The following TNNI3K variants were observed in gnomAD, a reference collection of about 807,000 sequenced individuals.
TNNI3K encodes the protein serine/threonine-protein kinase TNNI3K.
A neutral mutation model predicts 114.5 loss-of-function variants in TNNI3K; 140 were observed. The observed-to-expected ratio is 1.22, with a 90% CI of 1.07 to 1.41. TNNI3K has a LOEUF of 1.41. Among genes scored for constraint, TNNI3K ranks in the 40% most tolerant of loss-of-function variants. The probability of loss-of-function intolerance (pLI) is 0.00; values close to 1 mark genes in which losing one functional copy is unlikely to be tolerated. For missense variants in TNNI3K, 1,125 were observed against 1,007.6 expected, an observed-to-expected ratio of 1.12 and a Z score of -1.58; for synonymous variants, 347 against 347.5, an observed-to-expected ratio of 1.00 and a Z score of 0.02.
intron 5 of TNNI3K, among the ~76,000 whole-genome samples, chr1:74,313,332 C>T (rs1659105985): frequency 6.6e-6 from 1 of 152,118 alleles, no homozygotes; most frequent in South Asian, 2.1e-4. Flanking sequence ...AATCCGGGAC[C>T]AGGCCTGTCT....
intron 4 of TNNI3K, among the ~76,000 whole-genome samples, chr1:74,267,319 A>T (rs1242271127): frequency 6.6e-6 from 1 of 151,992 alleles, no homozygotes; most frequent in Admixed American, 6.6e-5. Flanking sequence ...AAAATATTCC[A>T]GTAGAGTAAG....
intron 9 of TNNI3K, chr1:74,346,085 T>G (rs1215194993): frequency 6.6e-6 from 1 of 152,192 alleles, no homozygotes; most frequent in East Asian, 1.9e-4. Flanking sequence ...CACTTGAAAT[T>G]TCAGCAACAA....
At chr1:74,323,654 T>TTG (rs1287802467) in intron 5 of TNNI3K, among the ~76,000 whole-genome samples, 3 of 151,684 alleles carry the variant, frequency 2.0e-5, no homozygotes, top group African/African-American at 7.3e-5. Flanking sequence ...GTGTGTGTGT[T>TTG]TGTGTGTGTG....
chr1:74,539,567 T>A (rs981393259), intron 23 of TNNI3K, among the ~76,000 whole-genome samples: 1 of 152,028 alleles, frequency 6.6e-6, no homozygotes, highest in Admixed American at 6.6e-5. Flanking sequence ...AGGAGAAGGA[T>A]CAATACAGAG....
chr1:74,282,440 CTG>C (rs2100257228), intron 5 of TNNI3K, among the ~76,000 whole-genome samples: 1 of 152,032 alleles, frequency 6.6e-6, no homozygotes. Context: ...GCTCATATCT[CTG>C]TGTGTGCACA....
intron 7 of TNNI3K, among the ~76,000 whole-genome samples, chr1:74,340,029 A>T (rs1660674232): frequency 1.3e-5 from 2 of 152,128 alleles, no homozygotes; most frequent in African/African-American, 4.8e-5. Flanking sequence ...TTTTTGAAAT[A>T]TAGCTTGTTG....
In TNNI3K at chr1:74,277,833, G is replaced by A. The variant is rs76347195; in HGVS notation, c.444+6125G>A. 4.0e-3 allele frequency among the ~76,000 whole-genome samples: 610 copies of A among 152,232 alleles called. 4 individuals carry two copies. The highest frequency in any genetic ancestry group is 0.014 in the African/African-American group (563 of 41,564). On this transcript the variant is annotated intron_variant, in intron 5 of 24. Coordinates refer to ENST00000326637, the MANE Select transcript of TNNI3K (RefSeq NM_015978.3). ...TCATATACACCTTGTGAAGGTGAGC[G>A]TATTATTCATAGTTGAAGTTATTCT...
At chr1:74,415,741 T>TC (rs1665085980) in intron 17 of TNNI3K, among the ~76,000 whole-genome samples, 1 of 148,616 alleles carries the variant, frequency 6.7e-6, no homozygotes, top group African/African-American at 2.6e-5. Flanking sequence ...TTCTTTGTTT[T>TC]TTTTTTCCCC....
At chr1:74,433,693 G>GT (rs1665996540) in intron 17 of TNNI3K, among the ~76,000 whole-genome samples, 1 of 151,980 alleles carries the variant, frequency 6.6e-6, no homozygotes, top group Non-Finnish European at 1.5e-5. Context: ...ACTTGTTACT[G>GT]TTTTTTATAA....
At chr1:74,320,100 G>A (rs911656024) in intron 5 of TNNI3K, among the ~76,000 whole-genome samples, 1 of 152,172 alleles carries the variant, frequency 6.6e-6, no homozygotes, top group Admixed American at 6.5e-5. Flanking sequence ...GTGTGATATT[G>A]TGCTTCTTTT....
At position 74,313,296 on chromosome 1, in the gene TNNI3K, T is replaced by C. The variant is rs530086221; in HGVS notation, c.445-18154T>C. On this transcript the variant is annotated intron_variant, in intron 5 of 24. Transcript: ENST00000326637. Reference sequence around the variant, plus strand: ...CACCACGTTGACATCACATATTTTATTTATCCACTCTATACAGTAAACCTA... The same window carrying C: ...CACCACGTTGACATCACATATTTTACTTATCCACTCTATACAGTAAACCTA... Among the ~76,000 whole-genome samples the C allele has an allele frequency of 2.6e-5, 4 of 152,318 alleles. No homozygotes were observed. The South Asian group carries it at 8.3e-4, about 32-fold the overall frequency.
At chr1:74,410,464 T>C (rs192727687) in intron 17 of TNNI3K, among the ~76,000 whole-genome samples, 11 of 152,330 alleles carry the variant, frequency 7.2e-5, no homozygotes, top group Admixed American at 5.9e-4. Flanking sequence ...ATAACACAAA[T>C]GTGTGTCTCT....
At chr1:74,283,454 T>G (rs1220497974) in intron 5 of TNNI3K, among the ~76,000 whole-genome samples, 1 of 152,224 alleles carries the variant, frequency 6.6e-6, no homozygotes, top group Non-Finnish European at 1.5e-5. Context: ...TTTCTTTTTG[T>G]CACTCAGGTC....
chr1:74,257,695 G>A (rs1184500541), intron 4 of TNNI3K, among the ~76,000 whole-genome samples: 6 of 132,212 alleles, frequency 4.5e-5, no homozygotes, highest in Admixed American at 3.2e-4. Context: ...TTGAGGCGGA[G>A]TCTCGCTCTG....
intron 4 of TNNI3K, 56 bp downstream of exon 4, chr1:74,250,825 T>C: frequency 7.2e-7 from 1 of 1,384,816 alleles, no homozygotes; most frequent in Non-Finnish European, 9.5e-7. Context: ...AGTGTGTATC[T>C]TTAGGCTTTT....
intron 5 of TNNI3K, among the ~76,000 whole-genome samples, chr1:74,276,705 G>C (rs1022179075): frequency 6.6e-6 from 1 of 152,074 alleles, no homozygotes; most frequent in African/African-American, 2.4e-5. Context: ...TGCTAAGTCT[G>C]ACAGGACTCT....
intron 20 of TNNI3K, among the ~76,000 whole-genome samples, chr1:74,445,146 G>A (rs1003846737): frequency 2.6e-4 from 39 of 151,498 alleles, no homozygotes; most frequent in African/African-American, 8.7e-4. Flanking sequence ...TGACAAAAAT[G>A]TCAGAAGCAA....
At chr1:74,502,429 C>T (rs1424604239) in intron 23 of TNNI3K, among the ~76,000 whole-genome samples, 1 of 152,148 alleles carries the variant, frequency 6.6e-6, no homozygotes, top group Non-Finnish European at 1.5e-5. Context: ...ATAATGTAAG[C>T]AATGCATATA....
intron 17 of TNNI3K, chr1:74,402,106 A>G (rs1664393387): frequency 5.1e-6 from 1 of 197,412 alleles, no homozygotes; most frequent in South Asian, 8.6e-5. Flanking sequence ...TTGTTCCACC[A>G]TAAAGAATTA....
Sources: gnomAD v4.1 joint callset for allele counts (sites outside exome capture counted in the v4.1 genomes callset) on GRCh38, gnomAD v4.1.1 for gene constraint, MANE v1.5 for transcripts, NCBI Gene and HGNC (gene_info 2026-07-23, HGNC 2026-07-21) for gene names.